Variants in DNAH8 observed in about 807,000 individuals in gnomAD.
DNAH8 encodes the protein axonemal beta dynein heavy chain 8.
DNAH8 carries 382 observed loss-of-function variants against 562.1 expected under a neutral mutation model. The ratio of observed to expected loss-of-function variants is 0.68; its 90% confidence interval spans 0.63 to 0.74. The LOEUF is 0.74. Ranked by LOEUF, DNAH8 falls within the 30% of genes least tolerant of loss-of-function variation. The pLI is 0.00. For synonymous variants in DNAH8, 1,881 were observed against 1,919.4 expected, an observed-to-expected ratio of 0.98 and a Z score of 0.52; for missense variants, 5,203 against 5,620.4, an observed-to-expected ratio of 0.93 and a Z score of 2.37.
chr6:38,723,086 GT>G lies in DNAH8; in HGVS notation c.279del (p.Gln94SerfsTer3). Reference protein sequence around the residue: ...RVRQRLAPRPVQSVISEVLSL... With the variant: ...RVRQRLAPRPXQSVISEVLSL... Reference sequence around the variant, plus strand: ...TCGACAGAGGCTTGCACCGCGACCGGTTCAGTCAGTGATTTCGGAAGTGCTG... The same window carrying G: ...TCGACAGAGGCTTGCACCGCGACCGGTCAGTCAGTGATTTCGGAAGTGCTG... On this transcript the variant is annotated frameshift_variant, in exon 2 of 93. Coordinates refer to ENST00000327475, the MANE Select transcript of DNAH8 (RefSeq NM_001206927.2). LOFTEE classifies it high-confidence loss of function. The G allele has an allele frequency of 6.2e-7, 1 of 1,612,908 alleles. No individual in the cohort carries two copies. Among genetic ancestry groups the G allele is most frequent in the Non-Finnish European group, 8.5e-7 (1 of 1,179,902 alleles).
chr6:38,857,543 T>C lies in DNAH8; in HGVS notation c.5759T>C (p.Leu1920Ser). The change falls in exon 42 of 93, where the codon TTG (leucine) becomes TCG (serine). Residue 1920 changes from leucine (L) to serine (S), a missense_variant. Physicochemically the swap from Leu to Ser is moderately radical, Grantham distance 145. Transcript: ENST00000327475. ...GTTGGACTTCTGGGAATTCAGATGT[T>C]GTGGACACACGATTCAGAAGAGGCT... ...AQVGLLGIQMLWTHDSEEALR... is the reference protein window; with the variant it reads ...AQVGLLGIQMSWTHDSEEALR... 1 of 1,613,310 alleles carries C rather than the reference T, an allele frequency of 6.2e-7. No individual in the cohort carries two copies.
chr6:38,914,700 G>A (rs1278443068), intron 67 of DNAH8, among the ~76,000 whole-genome samples: 1 of 151,988 alleles, frequency 6.6e-6, no homozygotes, highest in Non-Finnish European at 1.5e-5. Flanking sequence ...CAGACTTTCA[G>A]CTTCCAGTCA....
chr6:38,728,923 T>C (rs1313898821), intron 3 of DNAH8, among the ~76,000 whole-genome samples: 3 of 152,086 alleles, frequency 2.0e-5, no homozygotes, highest in African/African-American at 7.2e-5. Context: ...GAGATACTCA[T>C]GGCCAGGTGT....
intron 85 of DNAH8, among the ~76,000 whole-genome samples, chr6:38,980,405 C>T (rs1763949428): frequency 6.6e-6 from 1 of 152,166 alleles, no homozygotes; most frequent in Non-Finnish European, 1.5e-5. Flanking sequence ...GACCAAGGCT[C>T]CCACCCTTGC....
rs1352760062 is a variant in DNAH8 at position 38,823,558 on chromosome 6, A to G, written c.3721-4A>G. 1 of 1,596,830 alleles carries G rather than the reference A, an allele frequency of 6.3e-7. No individual in the cohort carries two copies. On this transcript the variant is annotated splice_polypyrimidine_tract_variant and splice_region_variant and intron_variant, in intron 27 of 92. Coordinates refer to ENST00000327475, the MANE Select transcript of DNAH8 (RefSeq NM_001206927.2). ...TTAAAATATTGACTATTTTCTTACC[A>G]CAGGAATTTTTGGCTAACAACCCCT...
chr6:38,725,585 G>T (rs7761629), intron 3 of DNAH8, among the ~76,000 whole-genome samples: 1 of 152,010 alleles, frequency 6.6e-6, no homozygotes, highest in African/African-American at 2.4e-5. Flanking sequence ...AGATGTGTAC[G>T]TAAAACAAGA....
chr6:38,993,358 T>C (rs1271461314), intron 88 of DNAH8, among the ~76,000 whole-genome samples: 1 of 152,194 alleles, frequency 6.6e-6, no homozygotes, highest in Non-Finnish European at 1.5e-5. Flanking sequence ...GTCACTTGGA[T>C]TAATGATTTT....
intron 72 of DNAH8, 124 bp downstream of exon 72, chr6:38,923,309 C>A: frequency 8.6e-7 from 1 of 1,158,180 alleles, no homozygotes; most frequent in Non-Finnish European, 1.2e-6. Context: ...TTAAATCATG[C>A]ACTCTCAGGT....
At chr6:38,921,238 C>A (rs1192116044) in intron 70 of DNAH8, 131 bp from the exon 71 acceptor site, 4 of 1,059,750 alleles carry the variant, frequency 3.8e-6, no homozygotes, top group Non-Finnish European at 5.4e-6. Flanking sequence ...GCTTTCCCAG[C>A]TGAAGACACG....
chr6:38,905,280 T>A (rs1028417531), intron 62 of DNAH8, among the ~76,000 whole-genome samples: 2 of 152,198 alleles, frequency 1.3e-5, no homozygotes, highest in Admixed American at 1.3e-4. Context: ...ACATACAACA[T>A]TTCAGATAAT....
chr6:38,892,860 C>T (rs1229849795), intron 58 of DNAH8, among the ~76,000 whole-genome samples: 1 of 152,136 alleles, frequency 6.6e-6, no homozygotes, highest in African/African-American at 2.4e-5. Flanking sequence ...TTGAGTACCC[C>T]AGGTTTATTG....
At position 38,853,287 on chromosome 6, in the gene DNAH8, C is replaced by A; in HGVS notation, c.5673C>A (p.Phe1891Leu). The change falls in exon 41 of 93, where the codon TTC becomes TTA. Residue 1891 changes from phenylalanine (F) to leucine (L), a missense_variant. Phe to Leu is a conservative substitution (Grantham distance 22). Transcript: ENST00000327475. ...SSLHNIIRSA[F>L]YQISDSGFQL... Reference sequence around the variant, plus strand: ...TACATAATATAATTAGATCCGCTTTCTATCAAATCAGTGATTCAGGATTTC... The same window carrying A: ...TACATAATATAATTAGATCCGCTTTATATCAAATCAGTGATTCAGGATTTC... The A allele has an allele frequency of 1.9e-6, 3 of 1,613,404 alleles. No homozygotes were observed. The highest frequency in any genetic ancestry group is 2.5e-6 in the Non-Finnish European group (3 of 1,179,712).
intron 56 of DNAH8, 24 bp downstream of exon 56, chr6:38,884,022 G>C (rs762288221): frequency 1.4e-6 from 2 of 1,431,236 alleles, no homozygotes; most frequent in Admixed American, 2.3e-5. Context: ...ATCTCATATA[G>C]ATGATCCTGA....
chr6:38,892,599 A>G (rs9366986), intron 58 of DNAH8, among the ~76,000 whole-genome samples: 15,937 of 152,116 alleles, frequency 0.1, 1,086 homozygotes, highest in East Asian at 0.25. Flanking sequence ...CACCCTGATA[A>G]GTGGTCCGAT....
At chr6:39,029,805 C>T (rs1220495340) in intron 92 of DNAH8, among the ~76,000 whole-genome samples, 1 of 152,192 alleles carries the variant, frequency 6.6e-6, no homozygotes, top group Non-Finnish European at 1.5e-5. Context: ...AGACTTTCAC[C>T]TCCCTATAGA....
intron 57 of DNAH8, among the ~76,000 whole-genome samples, 161 bp downstream of exon 57, chr6:38,887,165 A>C (rs561374665): frequency 6.6e-6 from 1 of 152,192 alleles, no homozygotes; most frequent in Non-Finnish European, 1.5e-5. Context: ...AAGGTGACCT[A>C]TGCTTATAGC....
intron 12 of DNAH8, among the ~76,000 whole-genome samples, chr6:38,772,031 T>C (rs540696738): frequency 7.3e-6 from 1 of 136,478 alleles, no homozygotes. Context: ...TATGATTTCT[T>C]TTTTTTTTTT....
intron 91 of DNAH8, among the ~76,000 whole-genome samples, chr6:39,013,245 TA>T (rs1766346980): frequency 6.6e-6 from 1 of 152,358 alleles, no homozygotes; most frequent in East Asian, 1.9e-4. Flanking sequence ...TTTGTCTTAC[TA>T]AAATATGGAT....
chr6:38,750,636 G>T, intron 9 of DNAH8, 47 bp downstream of exon 9: 1 of 1,195,210 alleles, frequency 8.4e-7, no homozygotes, highest in Non-Finnish European at 1.2e-6. Context: ...GCAGTGGCTC[G>T]CATCTGTGAT....
Sources: gnomAD v4.1 joint callset for allele counts (sites outside exome capture counted in the v4.1 genomes callset) on GRCh38, gnomAD v4.1.1 for gene constraint, MANE v1.5 for transcripts, NCBI Gene and HGNC (gene_info 2026-07-23, HGNC 2026-07-21) for gene names.